Variants in KLF8 observed in about 807,000 individuals in gnomAD.
KLF8 encodes the protein Krueppel-like factor 8.
KLF8 carries 10 observed loss-of-function variants against 18.2 expected under a neutral mutation model. The observed-to-expected ratio is 0.55, with a 90% CI of 0.34 to 0.93. KLF8 has a LOEUF of 0.93. Ranked by LOEUF, KLF8 falls within the 40% of genes least tolerant of loss-of-function variation. KLF8 has a pLI of 0.02. For synonymous variants in KLF8, 109 were observed against 97.3 expected, an observed-to-expected ratio of 1.12 and a Z score of -0.71; for missense variants, 264 against 277.9, an observed-to-expected ratio of 0.95 and a Z score of 0.36.
chrX:56,001,466 T>G, the KLF8 span, among the ~76,000 whole-genome samples: 1 of 112,282 alleles, frequency 8.9e-6, no homozygotes, highest in South Asian at 3.7e-4. Flanking sequence ...CTGGAAACTT[T>G]ATTATTTCTC....
the KLF8 span, among the ~76,000 whole-genome samples, chrX:55,914,778 G>A: frequency 9.0e-6 from 1 of 111,430 alleles, no homozygotes; most frequent in African/African-American, 3.3e-5. Flanking sequence ...CATTATGGCT[G>A]ACACATAAGT....
At chrX:56,250,340 C>A in intron 2 of KLF8, 36 bp downstream of exon 2, 1 of 985,189 alleles carries the variant, frequency 1.0e-6, no homozygotes. Flanking sequence ...TAATATTGGG[C>A]CATAATAGTA....
the KLF8 span, among the ~76,000 whole-genome samples, chrX:56,099,058 C>T: frequency 8.9e-6 from 1 of 111,955 alleles, no homozygotes; most frequent in African/African-American, 3.2e-5. Context: ...CTCTTTACTG[C>T]ACTTTGCAGA....
chrX:56,183,059 C>T, the KLF8 span, among the ~76,000 whole-genome samples: 1 of 112,549 alleles, frequency 8.9e-6, no homozygotes, highest in Non-Finnish European at 1.9e-5. Context: ...CTATGCCCTG[C>T]CCCCAGAGCG....
the KLF8 span, among the ~76,000 whole-genome samples, chrX:56,162,178 C>G: frequency 8.9e-6 from 1 of 111,810 alleles, no homozygotes; most frequent in Non-Finnish European, 1.9e-5. Flanking sequence ...CAGTGTGCCC[C>G]TACTGTGGGG....
At chrX:56,115,670 A>G in the KLF8 span, among the ~76,000 whole-genome samples, 1 of 111,772 alleles carries the variant, frequency 8.9e-6, no homozygotes, top group Non-Finnish European at 1.9e-5. Context: ...TACCTTTAGT[A>G]AACTGATGTG....
the KLF8 span, among the ~76,000 whole-genome samples, chrX:55,934,224 A>G: frequency 8.9e-6 from 1 of 111,815 alleles, no homozygotes; most frequent in Non-Finnish European, 1.9e-5. Context: ...GTTACCTATC[A>G]GAGTCATGGT....
intron 3 of KLF8, chrX:56,268,202 T>C (rs2066996091): frequency 8.9e-6 from 1 of 111,899 alleles, no homozygotes; most frequent in South Asian, 3.7e-4. Flanking sequence ...TATTCATTCA[T>C]TTGTTGATAG....
the KLF8 span, among the ~76,000 whole-genome samples, chrX:56,108,191 T>C: frequency 2.7e-5 from 3 of 111,119 alleles, no homozygotes; most frequent in Non-Finnish European, 5.7e-5. Flanking sequence ...TGACAATGCA[T>C]TTTTTTTAAT....
chrX:56,043,950 A>G, the KLF8 span, among the ~76,000 whole-genome samples: 3 of 112,148 alleles, frequency 2.7e-5, no homozygotes, highest in Admixed American at 1.9e-4. Context: ...TCTGCCTTCT[A>G]TCTTTGAGGT....
the KLF8 span, among the ~76,000 whole-genome samples, chrX:56,197,952 A>T: frequency 8.9e-6 from 1 of 112,017 alleles, no homozygotes; most frequent in African/African-American, 3.2e-5. Context: ...ATCAATAAAC[A>T]TAATCCATCA....
chrX:56,186,759 C>A, the KLF8 span, among the ~76,000 whole-genome samples: 5 of 112,162 alleles, frequency 4.5e-5, no homozygotes, highest in African/African-American at 1.3e-4. Flanking sequence ...AACTGAACAA[C>A]CTGCTCCTGA....
chrX:55,933,816 T>A, the KLF8 span, among the ~76,000 whole-genome samples: 1 of 111,899 alleles, frequency 8.9e-6, no homozygotes, highest in African/African-American at 3.3e-5. Context: ...CCTTTCTACT[T>A]ACCAAGTATA....
chrX:55,969,624 A>G, the KLF8 span, among the ~76,000 whole-genome samples: 1 of 111,933 alleles, frequency 8.9e-6, no homozygotes, highest in Non-Finnish European at 1.9e-5. Context: ...AAATGAAGAA[A>G]CAACACAAAA....
chrX:55,935,040 C>G, the KLF8 span, among the ~76,000 whole-genome samples: 3 of 111,896 alleles, frequency 2.7e-5, no homozygotes, highest in Admixed American at 2.9e-4. Context: ...CATACTAATA[C>G]TAACCATACT....
the KLF8 span, among the ~76,000 whole-genome samples, chrX:56,085,934 C>T: frequency 8.9e-6 from 1 of 111,736 alleles, no homozygotes; most frequent in Non-Finnish European, 1.9e-5. Flanking sequence ...GAGTTCTGGT[C>T]GAAGTCAGTG....
At chrX:56,161,597 A>C in the KLF8 span, among the ~76,000 whole-genome samples, 1 of 111,509 alleles carries the variant, frequency 9.0e-6, no homozygotes, top group African/African-American at 3.3e-5. Context: ...CGTACTTCTT[A>C]TGCCTTGGTT....
chrX:55,966,823 C>T, the KLF8 span, among the ~76,000 whole-genome samples: 1 of 111,839 alleles, frequency 8.9e-6, no homozygotes, highest in Non-Finnish European at 1.9e-5. Flanking sequence ...AGATATGTGA[C>T]CGTTCAGACA....
the KLF8 span, among the ~76,000 whole-genome samples, chrX:56,041,291 T>A: frequency 9.1e-6 from 1 of 110,203 alleles, no homozygotes; most frequent in Non-Finnish European, 1.9e-5. Flanking sequence ...GCCCAGCTAA[T>A]TTTTGTATTA....
Sources: gnomAD v4.1 joint callset for allele counts (sites outside exome capture counted in the v4.1 genomes callset) on GRCh38, gnomAD v4.1.1 for gene constraint, MANE v1.5 for transcripts, NCBI Gene and HGNC (gene_info 2026-07-23, HGNC 2026-07-21) for gene names.